The following VRK1 variants were observed in gnomAD, a reference collection of about 807,000 sequenced individuals.
VRK1 encodes the protein serine/threonine-protein kinase VRK1.
A neutral mutation model predicts 57.1 loss-of-function variants in VRK1; 33 were observed. The observed-to-expected ratio is 0.58, with a 90% confidence interval of 0.44 to 0.77. The LOEUF (loss-of-function observed/expected upper bound fraction) is 0.77. VRK1 is among the 30% of genes least tolerant of loss of function. The pLI, the probability that VRK1 is intolerant of heterozygous loss-of-function variation, is 0.00. For synonymous variants in VRK1, 137 were observed against 147.8 expected, an observed-to-expected ratio of 0.93 and a Z score of 0.53; for missense variants, 413 against 477.3, an observed-to-expected ratio of 0.87 and a Z score of 1.25.
At chr14:96,878,752 C>T (rs1889136701) in intron 12 of VRK1, among the ~76,000 whole-genome samples, 1 of 152,082 alleles carries the variant, frequency 6.6e-6, no homozygotes, top group Non-Finnish European at 1.5e-5. Flanking sequence ...TATTTTTATG[C>T]AAGGCATAAT....
chr14:96,831,453 T>C (rs752462196), intron 1 of VRK1, among the ~76,000 whole-genome samples: 3 of 152,202 alleles, frequency 2.0e-5, no homozygotes, highest in Non-Finnish European at 4.4e-5. Flanking sequence ...GATGACGCTG[T>C]TCTGTGGGAC....
chr14:96,802,323 T>C (rs1885695007), intron 1 of VRK1, among the ~76,000 whole-genome samples: 2 of 152,354 alleles, frequency 1.3e-5, no homozygotes, highest in South Asian at 4.1e-4. Context: ...CGTAGAAGCC[T>C]TGTTTATAAT....
chr14:96,823,562 A>C (rs960786964), intron 1 of VRK1, among the ~76,000 whole-genome samples: 1 of 152,214 alleles, frequency 6.6e-6, no homozygotes, highest in Non-Finnish European at 1.5e-5. Flanking sequence ...TATTATCTTG[A>C]TTCAACTTAA....
rs1421386024 is a variant in VRK1, at chr14:96,852,931, T to C, written c.475T>C (p.Leu159=). The part of the protein sequence containing the change: ...FSRKTVLQLS[L]RILDILEYIH... ...TCGGAAAACTGTCTTGCAGCTAAGC[T>C]TAAGAATTGTATGTGAGCTATGTTC... is the stretch of plus-strand genomic sequence containing the variant. The change falls in exon 6 of 13, where the codon TTA becomes CTA. Residue 159 remains leucine, a synonymous_variant. Coordinates refer to ENST00000216639, the MANE Select transcript of VRK1 (RefSeq NM_003384.3). 6.2e-7 allele frequency: 1 copy of C among 1,613,674 alleles called. No homozygotes were observed. Among genetic ancestry groups the C allele is most frequent in the Admixed American group, 1.7e-5 (1 of 60,022 alleles).
At chr14:96,872,268 A>G (rs1360519901) in intron 11 of VRK1, among the ~76,000 whole-genome samples, 1 of 152,162 alleles carries the variant, frequency 6.6e-6, no homozygotes, top group African/African-American at 2.4e-5. Flanking sequence ...CCATTCAAAT[A>G]TTACAGTTTT....
intron 1 of VRK1, among the ~76,000 whole-genome samples, chr14:96,832,350 T>C (rs930838762): frequency 5.9e-5 from 9 of 152,200 alleles, no homozygotes; most frequent in African/African-American, 2.2e-4. Context: ...TTCTTTCTTT[T>C]CTATATCTCC....
chr14:96,861,066 G>T (rs1290476051), intron 11 of VRK1: 1 of 189,206 alleles, frequency 5.3e-6, no homozygotes, highest in African/African-American at 2.4e-5. Flanking sequence ...TCTTGTCTTG[G>T]TTGTTTCTTA....
chr14:96,803,030 C>A (rs11628733), intron 1 of VRK1, among the ~76,000 whole-genome samples: 18,359 of 152,170 alleles, frequency 0.12, 2,862 homozygotes, highest in East Asian at 0.83. Flanking sequence ...TCCAGCATAT[C>A]CACACTGTAT....
chr14:96,859,915 G>A (rs968713564), intron 10 of VRK1, among the ~76,000 whole-genome samples: 1 of 152,166 alleles, frequency 6.6e-6, no homozygotes, highest in African/African-American at 2.4e-5. Context: ...GAGGTCGGGG[G>A]AAAGGTCTGT....
chr14:96,865,698 CTG>C (rs1888559086), intron 11 of VRK1, among the ~76,000 whole-genome samples: 1 of 151,576 alleles, frequency 6.6e-6, no homozygotes, highest in Non-Finnish European at 1.5e-5. Context: ...TTGTAGTCTT[CTG>C]TGTCTGTAGA....
At chr14:96,838,722 T>A (rs1247972723) in intron 3 of VRK1, among the ~76,000 whole-genome samples, 1 of 152,098 alleles carries the variant, frequency 6.6e-6, no homozygotes, top group Non-Finnish European at 1.5e-5. Flanking sequence ...CAAGATGAGA[T>A]TTGGGTGGGG....
chr14:96,854,379 CTT>C (rs1327151110), intron 7 of VRK1, among the ~76,000 whole-genome samples: 1 of 152,086 alleles, frequency 6.6e-6, no homozygotes, highest in African/African-American at 2.4e-5. Flanking sequence ...CAGACATATG[CTT>C]TGGATGGGAT....
At chr14:96,806,222 A>G (rs1885871826) in intron 1 of VRK1, among the ~76,000 whole-genome samples, 1 of 152,220 alleles carries the variant, frequency 6.6e-6, no homozygotes, top group African/African-American at 2.4e-5. Flanking sequence ...ACGTCTGTCC[A>G]TTCTGAGCTT....
chr14:96,839,800 A>C (rs1887380882), intron 3 of VRK1, among the ~76,000 whole-genome samples: 2 of 152,066 alleles, frequency 1.3e-5, no homozygotes, highest in Non-Finnish European at 2.9e-5. Context: ...AACATTTTCT[A>C]CTAGTTTATA....
chr14:96,862,760 T>A (rs1888440319), intron 11 of VRK1, among the ~76,000 whole-genome samples: 2 of 152,154 alleles, frequency 1.3e-5, no homozygotes, highest in African/African-American at 2.4e-5. Flanking sequence ...TTGCTCTGGA[T>A]GTCAGGAGGC....
In VRK1 at chr14:96,830,385, G is replaced by C. The variant is rs368476815; in HGVS notation, c.-5-3082G>C. 6.0e-5 allele frequency among the ~76,000 whole-genome samples: 9 copies of C among 151,060 alleles called. No individual in the cohort carries two copies. In the East Asian group the frequency reaches 1.7e-3, roughly 29 times the overall value. ...TTTTTTGGTCCTTTTTGATTTTTTT[G>C]TTTTTTTCCTTTTCACTTTCTATTT... is the stretch of plus-strand genomic sequence containing the variant. On this transcript the variant is annotated intron_variant, in intron 1 of 12. Coordinates refer to ENST00000216639, the MANE Select transcript of VRK1 (RefSeq NM_003384.3).
chr14:96,839,077 G>A (rs988346930), intron 3 of VRK1, among the ~76,000 whole-genome samples: 3 of 128,030 alleles, frequency 2.3e-5, no homozygotes, highest in African/African-American at 8.7e-5. Context: ...GCAACCACTT[G>A]TCTTGAGTTT....
At chr14:96,857,100 G>C (rs563120253) in intron 10 of VRK1, among the ~76,000 whole-genome samples, 1 of 152,180 alleles carries the variant, frequency 6.6e-6, no homozygotes, top group Non-Finnish European at 1.5e-5. Context: ...TTTATTGTGT[G>C]CCAGGGACTG....
chr14:96,830,833 A>G lies in VRK1; in HGVS notation c.-5-2634A>G, dbSNP rs183643485. Among the ~76,000 whole-genome samples, 101 of 152,312 alleles carry G rather than the reference A, an allele frequency of 6.6e-4. 1 individual carries two copies. Among genetic ancestry groups the G allele is most frequent in the Admixed American group, 5.6e-3 (85 of 15,294 alleles). ...TTTTGTGTAGTATTCCAAAATACTGAGGCTAACTTATAGATCCACTTTCAT... is the reference window on the plus strand; with the variant it reads ...TTTTGTGTAGTATTCCAAAATACTGGGGCTAACTTATAGATCCACTTTCAT... On this transcript the variant is annotated intron_variant, in intron 1 of 12. Coordinates refer to ENST00000216639, the MANE Select transcript of VRK1 (RefSeq NM_003384.3).
Sources: allele counts gnomAD v4.1 joint callset (sites outside exome capture counted in the v4.1 genomes callset), GRCh38; gene constraint gnomAD v4.1.1; transcripts MANE v1.5; gene names NCBI Gene and HGNC (gene_info 2026-07-23, HGNC 2026-07-21).